OTOG: variants seen among roughly 807,000 people sequenced by gnomAD.
The protein encoded by OTOG is otogelin.
Under a neutral mutation model 313.8 loss-of-function variants are expected in OTOG, and 296 were observed. The observed-to-expected ratio is 0.94, with a 90% CI of 0.86 to 1.04. The LOEUF (loss-of-function observed/expected upper bound fraction) is 1.04. Ranked by LOEUF, OTOG falls within the 50% of genes least tolerant of loss-of-function variation. The pLI is 0.00. For synonymous variants in OTOG, 1,533 were observed against 1,554.9 expected (o/e 0.99, Z 0.33); for missense variants, 3,948 against 3,840.1 (o/e 1.03, Z -0.74).
intron 24 of OTOG, among the ~76,000 whole-genome samples, chr11:17,588,787 A>C (rs1278596558): frequency 6.6e-6 from 1 of 151,980 alleles, no homozygotes; most frequent in African/African-American, 2.4e-5. Context: ...ACCCTAGTGG[A>C]GTGAGGAGTC....
intron 24 of OTOG, 75 bp from the exon 25 acceptor site, chr11:17,591,375 G>A: frequency 6.6e-7 from 1 of 1,524,638 alleles, no homozygotes; most frequent in South Asian, 1.2e-5. Flanking sequence ...CATTCGATAA[G>A]CCATGGCTCT....
rs1387855790 is a variant in OTOG, at chr11:17,610,270, C to G, written c.4970C>G (p.Ser1657Cys). 4 of 1,550,520 alleles carry G rather than the reference C, an allele frequency of 2.6e-6. No individual in the cohort carries two copies. The highest frequency in any genetic ancestry group is 3.5e-6 in the Non-Finnish European group (4 of 1,146,990). ...PVASPGAISR[S>C]PTSSGSHKAV... ...GCTTCCCCTGGAGCCATCTCCAGGTCCCCCACCTCCTCGGGATCCCACAAG... is the reference window on the plus strand; with the variant it reads ...GCTTCCCCTGGAGCCATCTCCAGGTGCCCCACCTCCTCGGGATCCCACAAG... Residue 1657 changes from serine to cysteine, a missense_variant, in exon 36 of 56, where the codon TCC becomes TGC. Physicochemically the swap from Ser to Cys is moderately radical, Grantham distance 112. Coordinates refer to ENST00000399397, the MANE Select transcript of OTOG (RefSeq NM_001292063.2).
intron 54 of OTOG, 110 bp from the exon 55 acceptor site, chr11:17,645,454 C>A: frequency 9.9e-7 from 1 of 1,011,584 alleles, no homozygotes; most frequent in Non-Finnish European, 1.5e-6. Context: ...GGTGCTAATG[C>A]TGGAAGAGAG....
rs1183475258 is a variant in OTOG at position 17,611,051 on chromosome 11, G to T, written c.5751G>T (p.Val1917=). Residue 1917 remains valine (V), a synonymous_variant, in exon 36 of 56, where the codon GTG becomes GTT. Transcript: ENST00000399397. ...TGKVAILSKQ[V]SLPTSMYGSA... ...AGGTGGCCATCCTATCCAAGCAAGT[G>T]TCTCTGCCCACTTCCATGTATGGTT... 17 of 1,550,474 alleles carry T rather than the reference G, an allele frequency of 1.1e-5. No homozygotes were observed.
rs1848057361 is a variant in OTOG at position 17,645,589 on chromosome 11, G to C, written c.8487G>C (p.Lys2829Asn). The C allele has an allele frequency of 6.4e-7, 1 of 1,550,658 alleles. No homozygotes were observed. ...RTCKEDGRSC[K>N]KVTIRMTIRK... is the part of the protein sequence containing the mutation. ...GTAAGGAGGATGGGCGCTCCTGCAA[G>C]AAGGTGACCATCCGCATGACCATCC... Residue 2829 changes from lysine to asparagine, a missense_variant, in exon 55 of 56, where the codon AAG (lysine) becomes AAC (asparagine). Transcript: ENST00000399397.
intron 24 of OTOG, among the ~76,000 whole-genome samples, chr11:17,590,066 A>G (rs1024535640): frequency 2.6e-5 from 4 of 151,978 alleles, no homozygotes; most frequent in Admixed American, 6.6e-5. Flanking sequence ...CTCTCTATTT[A>G]TACTTACTCC....
At chr11:17,547,683 G>T in intron 1 of OTOG, 1 of 874,888 alleles carries the variant, frequency 1.1e-6, no homozygotes, top group Non-Finnish European at 1.5e-6. Flanking sequence ...GTTAGGCTGG[G>T]TGGAAGAGAC....
chr11:17,613,267 C>CTTTCTTTCTT (rs1209997346), intron 38 of OTOG, among the ~76,000 whole-genome samples: 5 of 139,310 alleles, frequency 3.6e-5, no homozygotes, highest in Admixed American at 1.5e-4. Flanking sequence ...TTCTTTCTTT[C>CTTTCTTTCTT]TCTCTCTGTC....
intron 15 of OTOG, among the ~76,000 whole-genome samples, chr11:17,565,564 G>A (rs915642232): frequency 2.0e-5 from 3 of 152,166 alleles, no homozygotes; most frequent in Non-Finnish European, 4.4e-5. Flanking sequence ...AGAGTGGGAA[G>A]TTATTCTCCC....
intron 47 of OTOG, among the ~76,000 whole-genome samples, chr11:17,635,947 G>T (rs1854255555): frequency 6.6e-6 from 1 of 152,150 alleles, no homozygotes; most frequent in Non-Finnish European, 1.5e-5. Flanking sequence ...GGCCCCCAAG[G>T]GCCAGACAGA....
chr11:17,599,245 C>T (rs953486732), intron 30 of OTOG, among the ~76,000 whole-genome samples: 1 of 152,082 alleles, frequency 6.6e-6, no homozygotes, highest in Admixed American at 6.5e-5. Flanking sequence ...CTCCCGGTCC[C>T]CTTCCCACCG....
chr11:17,558,202 GT>G lies in OTOG; in HGVS notation c.884del (p.Val295GlyfsTer79). 2 of 1,550,468 alleles carry G rather than the reference GT, an allele frequency of 1.3e-6. No homozygotes were observed. The highest frequency in any genetic ancestry group is 1.7e-6 in the Non-Finnish European group (2 of 1,146,946). On this transcript the variant is annotated frameshift_variant, in exon 9 of 56. Coordinates refer to ENST00000399397, the MANE Select transcript of OTOG (RefSeq NM_001292063.2). LOFTEE classifies it high-confidence loss of function. ...VTSSGKLTDD[V>X]VEFVHSWQEQ... ...TCCTCCAGGGAAGCTGACTGACGACGTGGTTGAGTTTGTGCACAGCTGGCAG... is the reference window on the plus strand; with the variant it reads ...TCCTCCAGGGAAGCTGACTGACGACGGGTTGAGTTTGTGCACAGCTGGCAG...
At chr11:17,616,151 C>T (rs1282731153) in intron 39 of OTOG, among the ~76,000 whole-genome samples, 1 of 152,012 alleles carries the variant, frequency 6.6e-6, no homozygotes, top group African/African-American at 2.4e-5. Context: ...CCTCGATCTC[C>T]TGGGCTCAGC....
rs1479005589 is a variant in OTOG at position 17,555,908 on chromosome 11, C to T, written c.659+11C>T. On this transcript the variant is annotated intron_variant, in intron 7 of 55. Transcript: ENST00000399397. ...CCATGGAGGCATGAGGTAACTCTAA[C>T]ACCTTCCACATCGAGCTGTCCTATC... The T allele has an allele frequency of 2.0e-6, 3 of 1,535,938 alleles. No individual in the cohort carries two copies. Among genetic ancestry groups the T allele is most frequent in the Non-Finnish European group, 2.6e-6 (3 of 1,133,480 alleles).
chr11:17,604,145 C>G (rs530578232), intron 32 of OTOG, among the ~76,000 whole-genome samples: 1 of 152,218 alleles, frequency 6.6e-6, no homozygotes, highest in Non-Finnish European at 1.5e-5. Context: ...TTCATTCAAA[C>G]TCCTCTGCCA....
rs1380001909 is a variant in OTOG at position 17,612,258 on chromosome 11, C to T, written c.6220C>T (p.Pro2074Ser). ...SQHCPQGAAP[P>S]RCGILGLAVR... Reference sequence around the variant, plus strand: ...GCACTGTCCCCAGGGTGCTGCTCCCCCTCGCTGTGGGATCCTGGGCCTCGC... The same window carrying T: ...GCACTGTCCCCAGGGTGCTGCTCCCTCTCGCTGTGGGATCCTGGGCCTCGC... Residue 2074 changes from proline (P) to serine (S), a missense_variant, in exon 37 of 56, where the codon CCT becomes TCT. Coordinates refer to ENST00000399397, the MANE Select transcript of OTOG (RefSeq NM_001292063.2). 1.9e-6 allele frequency: 3 copies of T among 1,546,858 alleles called. No individual in the cohort carries two copies. Among genetic ancestry groups the T allele is most frequent in the East Asian group, 2.4e-5 (1 of 40,920 alleles).
In OTOG at chr11:17,574,962, G is replaced by A; in HGVS notation, c.2486+50G>A. The A allele has an allele frequency of 3.5e-6, 5 of 1,434,068 alleles. No homozygotes were observed. In the South Asian group the frequency reaches 7.3e-5, roughly 21 times the overall value. 88.8% of individuals were successfully genotyped at this position (1,434,068 alleles called of 1,614,324 possible). On this transcript the variant is annotated intron_variant, in intron 20 of 55. Transcript: ENST00000399397. The stretch of plus-strand genomic sequence containing the variant: ...AGTTGGGTGGGAAGGTGAGGCCAGG[G>A]GTCTCCAGGGCATCTGAGACTGGGG...
intron 24 of OTOG, among the ~76,000 whole-genome samples, chr11:17,591,155 T>A (rs1381317200): frequency 6.6e-6 from 1 of 152,176 alleles, no homozygotes; most frequent in Non-Finnish European, 1.5e-5. Flanking sequence ...GTAGAATGAA[T>A]GGGTAAGTGA....
At chr11:17,615,408 C>T (rs1354241583) in intron 39 of OTOG, among the ~76,000 whole-genome samples, 1 of 152,110 alleles carries the variant, frequency 6.6e-6, no homozygotes, top group Admixed American at 6.5e-5. Context: ...TGGTGTTGTA[C>T]TTGATGAACC....
Sources: gnomAD v4.1 joint callset for allele counts (sites outside exome capture counted in the v4.1 genomes callset) on GRCh38, gnomAD v4.1.1 for gene constraint, MANE v1.5 for transcripts, NCBI Gene and HGNC (gene_info 2026-07-23, HGNC 2026-07-21) for gene names.